CEP112: variants seen among roughly 807,000 people sequenced by gnomAD.
The protein encoded by CEP112 is centrosomal protein of 112 kDa.
In CEP112, 127 loss-of-function variants were observed where a neutral mutation model predicts 153.0. The ratio of observed to expected loss-of-function variants is 0.83; its 90% CI spans 0.72 to 0.96. The LOEUF (loss-of-function observed/expected upper bound fraction) is 0.96, where lower values mean the gene tolerates loss of function less well. Ranked by LOEUF, CEP112 falls within the 40% of genes least tolerant of loss-of-function variation. The pLI is 0.00. For synonymous variants in CEP112, 358 were observed against 374.4 expected (o/e 0.96, Z 0.51); for missense variants, 1,089 against 1,101.2 (o/e 0.99, Z 0.16).
intron 21 of CEP112, among the ~76,000 whole-genome samples, chr17:65,850,174 A>AG: frequency 6.6e-6 from 1 of 151,398 alleles, no homozygotes; most frequent in Non-Finnish European, 1.5e-5. Context: ...AAAAAAAAAA[A>AG]AAAGAATATT....
At chr17:65,873,973 A>G (rs1415068958) in intron 20 of CEP112, among the ~76,000 whole-genome samples, 1 of 152,162 alleles carries the variant, frequency 6.6e-6, no homozygotes, top group African/African-American at 2.4e-5. Context: ...CTGTTGATTA[A>G]AATGCTCTGC....
intron 17 of CEP112, among the ~76,000 whole-genome samples, chr17:65,968,891 TATA>T (rs1339521983): frequency 3.3e-5 from 5 of 152,186 alleles, no homozygotes; most frequent in African/African-American, 9.7e-5. Context: ...TAGCTGAATT[TATA>T]ATAAGTACTT....
In CEP112 at chr17:65,851,982, T is replaced by C. The variant is rs201402783; in HGVS notation, c.2216A>G (p.Asn739Ser). 1.2e-5 allele frequency: 19 copies of C among 1,613,958 alleles called. No individual in the cohort carries two copies. The highest frequency in any genetic ancestry group is 8.8e-5 in the South Asian group (8 of 91,026). ...QVHKLREELI[N>S]VNSQRKQQLV... ...CTGCTGTTTCCGCTGTGAGTTCACA[T>C]TGATCAATTCTTCTCTCAACTTGTG... Residue 739 changes from asparagine (N) to serine (S), a missense_variant, in exon 21 of 27, where the codon AAT becomes AGT. By Grantham distance (46) the Asn-to-Ser change is conservative. Coordinates refer to ENST00000535342, the MANE Select transcript of CEP112 (RefSeq NM_001199165.4).
rs114598896 is a variant in CEP112 at position 65,654,151 on chromosome 17, T to C, written c.2698-13086A>G. ...ATGCTGTAGTACAGGTGAGAAAATGTACCGCCTTCTAAGAAATTCCATTCT... is the reference window on the plus strand; with the variant it reads ...ATGCTGTAGTACAGGTGAGAAAATGCACCGCCTTCTAAGAAATTCCATTCT... On this transcript the variant is annotated intron_variant, in intron 24 of 26. Transcript: ENST00000535342. 5.5e-3 allele frequency among the ~76,000 whole-genome samples: 842 copies of C among 151,732 alleles called. 9 individuals are homozygous for C. Among genetic ancestry groups the C allele is most frequent in the African/African-American group, 0.019 (797 of 41,304 alleles).
rs71160510 is a variant in CEP112, at chr17:65,951,749, C to CCCCCGCCG, written c.1872+9713_1872+9714insCGGCGGGG. 1.7e-4 allele frequency among the ~76,000 whole-genome samples: 18 copies of CCCCCGCCG among 106,240 alleles called. 2 individuals are homozygous for CCCCCGCCG. The highest frequency in any genetic ancestry group is 4.5e-4 in the Admixed American group (4 of 8,800). The allele number at this position is 106,240 out of a possible 152,430, so 69.7% of individuals were successfully genotyped here. A position where few individuals can be genotyped will look rare whatever the true frequency, so the allele number is the denominator to read the frequency against. On this transcript the variant is annotated intron_variant, in intron 18 of 26. Transcript: ENST00000535342. Reference sequence around the variant, plus strand: ...TCTGCTCTAATCTTCCCCCGCCCCCCCCTTTCTTCCACTTGCTTAGAAGCT... The same window carrying CCCCCGCCG: ...TCTGCTCTAATCTTCCCCCGCCCCCCCCCCGCCGCCTTTCTTCCACTTGCTTAGAAGCT...
chr17:65,902,397 G>A, intron 19 of CEP112, 63 bp from the exon 20 acceptor site: 3 of 1,341,542 alleles, frequency 2.2e-6, no homozygotes, highest in South Asian at 3.1e-5. Context: ...GACAACTCAT[G>A]TACAGCTTAA....
intron 20 of CEP112, among the ~76,000 whole-genome samples, chr17:65,852,723 G>A (rs1183567049): frequency 6.6e-6 from 1 of 151,708 alleles, no homozygotes; most frequent in South Asian, 2.1e-4. Context: ...AATTCATCCA[G>A]TGTTCCCTAT....
At chr17:65,793,551 C>T (rs1055654105) in intron 21 of CEP112, among the ~76,000 whole-genome samples, 2 of 152,194 alleles carry the variant, frequency 1.3e-5, no homozygotes, top group East Asian at 3.8e-4. Flanking sequence ...CTAATTCCTA[C>T]AAGAACTCAC....
intron 20 of CEP112, among the ~76,000 whole-genome samples, chr17:65,861,406 A>G (rs1215340231): frequency 2.0e-5 from 3 of 152,236 alleles, no homozygotes; most frequent in Admixed American, 6.5e-5. Context: ...TTGATGAATT[A>G]GATTGCAATA....
chr17:65,999,197 CTTT>C (rs34483996), intron 17 of CEP112, among the ~76,000 whole-genome samples: 94 of 132,028 alleles, frequency 7.1e-4, no homozygotes, highest in East Asian at 4.3e-3. Flanking sequence ...TTACTAAATT[CTTT>C]TTTTTTTTTT....
At chr17:65,996,406 T>C (rs1598049571) in intron 17 of CEP112, among the ~76,000 whole-genome samples, 1 of 152,262 alleles carries the variant, frequency 6.6e-6, no homozygotes, top group Non-Finnish European at 1.5e-5. Context: ...GTTATATCTA[T>C]ATGAAACAAA....
intron 21 of CEP112, among the ~76,000 whole-genome samples, chr17:65,770,484 T>G (rs1441449452): frequency 1.3e-5 from 2 of 152,032 alleles, no homozygotes; most frequent in Non-Finnish European, 1.5e-5. Flanking sequence ...CAAAAAAGGT[T>G]GAAATAAGTC....
intron 21 of CEP112, among the ~76,000 whole-genome samples, chr17:65,757,807 A>C (rs2052376926): frequency 6.6e-6 from 1 of 152,202 alleles, no homozygotes; most frequent in Non-Finnish European, 1.5e-5. Flanking sequence ...CTGTCCCTAA[A>C]GCATTTTTTG....
intron 21 of CEP112, among the ~76,000 whole-genome samples, chr17:65,761,306 G>A (rs2052599841): frequency 6.6e-6 from 1 of 151,612 alleles, no homozygotes; most frequent in South Asian, 2.1e-4. Flanking sequence ...TAAAGACAGG[G>A]TCTCACTATG....
chr17:66,054,582 C>A (rs2066597297), intron 11 of CEP112, among the ~76,000 whole-genome samples: 1 of 152,154 alleles, frequency 6.6e-6, no homozygotes, highest in African/African-American at 2.4e-5. Context: ...CTTCAATGGA[C>A]ATCTTCCAAA....
chr17:65,821,515 T>A (rs1416952243), intron 21 of CEP112, among the ~76,000 whole-genome samples: 31 of 28,876 alleles, frequency 1.1e-3, no homozygotes, highest in South Asian at 6.5e-3. Flanking sequence ...TATATATAAT[T>A]ATATATATAT....
chr17:65,787,721 A>G (rs757999822), intron 21 of CEP112, among the ~76,000 whole-genome samples: 1 of 152,204 alleles, frequency 6.6e-6, no homozygotes, highest in Non-Finnish European at 1.5e-5. Flanking sequence ...TGTTAGCAGA[A>G]TCATTTTTTA....
Position 65,907,101 on chromosome 17 carries a change from TG to T in CEP112, c.1981-4768del, listed in dbSNP as rs545920945. On this transcript the variant is annotated intron_variant, in intron 19 of 26. Coordinates refer to ENST00000535342, the MANE Select transcript of CEP112 (RefSeq NM_001199165.4). ...GAAAAGTAACCAAATGAGCTATAAT[TG>T]GGGCAAAAGAATTGCAGAATTTTCT... is the stretch of plus-strand genomic sequence containing the variant. Among the ~76,000 whole-genome samples the T allele has an allele frequency of 2.9e-3, 443 of 152,256 alleles. 3 individuals are homozygous for T. The highest frequency in any genetic ancestry group is 4.6e-3 in the Non-Finnish European group (315 of 68,004).
intron 4 of CEP112, among the ~76,000 whole-genome samples, chr17:66,146,546 AT>A (rs2070927945): frequency 6.6e-6 from 1 of 152,196 alleles, no homozygotes; most frequent in South Asian, 2.1e-4. Flanking sequence ...AGTCTTAATC[AT>A]TTTTAAGCAT....
Sources: allele counts gnomAD v4.1 joint callset (sites outside exome capture counted in the v4.1 genomes callset), GRCh38; gene constraint gnomAD v4.1.1; transcripts MANE v1.5; gene names NCBI Gene and HGNC (gene_info 2026-07-23, HGNC 2026-07-21).